Variants in PTPRT observed in about 807,000 individuals in gnomAD.
PTPRT encodes the protein protein tyrosine phosphatase receptor type T.
In PTPRT, 56 loss-of-function variants were observed where a neutral mutation model predicts 176.8. That is an observed-to-expected ratio of 0.32 (90% CI 0.26 to 0.40). The LOEUF (loss-of-function observed/expected upper bound fraction) is 0.40, where lower values mean the gene tolerates loss of function less well. Among genes scored for constraint, PTPRT ranks in the 10% least tolerant of loss-of-function variants. PTPRT has a pLI of 1.00. For missense variants in PTPRT, 1,540 were observed against 1,908.2 expected, an observed-to-expected ratio of 0.81 and a Z score of 3.60; for synonymous variants, 783 against 739.0, an observed-to-expected ratio of 1.06 and a Z score of -0.96.
chr20:43,106,449 G>A (rs557438001), intron 1 of PTPRT, among the ~76,000 whole-genome samples: 131 of 152,188 alleles, frequency 8.6e-4, no homozygotes, highest in African/African-American at 2.9e-3. Context: ...CCTGAGGTCA[G>A]GAGTTCGAAC....
chr20:43,085,959 C>G (rs563600087), intron 1 of PTPRT, among the ~76,000 whole-genome samples: 1 of 151,962 alleles, frequency 6.6e-6, no homozygotes, highest in East Asian at 1.9e-4. Flanking sequence ...TCTTCCCCAC[C>G]CCCCCACAAC....
chr20:42,168,139 A>G (rs1317980962), intron 16 of PTPRT, among the ~76,000 whole-genome samples: 1 of 150,486 alleles, frequency 6.6e-6, no homozygotes, highest in Admixed American at 6.7e-5. Flanking sequence ...CTTCATCCTC[A>G]TTGTCTACAC....
intron 11 of PTPRT, among the ~76,000 whole-genome samples, chr20:42,342,297 A>C (rs907074622): frequency 2.0e-5 from 3 of 152,188 alleles, no homozygotes; most frequent in African/African-American, 7.2e-5. Flanking sequence ...CTCTTCATAT[A>C]TCTGGCTTCT....
intron 1 of PTPRT, among the ~76,000 whole-genome samples, chr20:42,930,714 A>C (rs1434508371): frequency 6.6e-6 from 1 of 152,040 alleles, no homozygotes; most frequent in African/African-American, 2.4e-5. Context: ...TCGTAGCCTC[A>C]TATGATCCTC....
chr20:42,035,766 C>T, the PTPRT span, among the ~76,000 whole-genome samples: 8 of 152,138 alleles, frequency 5.3e-5, no homozygotes, highest in African/African-American at 9.7e-5. Flanking sequence ...TGATAGTGCT[C>T]GGGTAGACTG....
intron 18 of PTPRT, among the ~76,000 whole-genome samples, chr20:42,134,377 AG>A (rs1225308344): frequency 6.6e-6 from 1 of 152,176 alleles, no homozygotes; most frequent in African/African-American, 2.4e-5. Flanking sequence ...AGTCATGTGG[AG>A]GAGAAGCAAA....
intron 2 of PTPRT, among the ~76,000 whole-genome samples, chr20:42,837,089 C>A (rs1457979848): frequency 1.3e-5 from 2 of 152,172 alleles, no homozygotes; most frequent in Admixed American, 6.5e-5. Flanking sequence ...CTTCTTCCTG[C>A]CCATATTATA....
chr20:42,176,984 C>T (rs985361192), intron 16 of PTPRT, among the ~76,000 whole-genome samples: 2 of 152,184 alleles, frequency 1.3e-5, no homozygotes, highest in African/African-American at 4.8e-5. Context: ...GACATTAAGA[C>T]AATGGAAAGA....
chr20:42,986,545 A>T (rs1002897977), intron 1 of PTPRT, among the ~76,000 whole-genome samples: 1 of 152,176 alleles, frequency 6.6e-6, no homozygotes, highest in Non-Finnish European at 1.5e-5. Flanking sequence ...AGCTTTGTCT[A>T]GCCCTAAGGG....
chr20:42,724,802 T>TCA lies in PTPRT; in HGVS notation c.859+31659_859+31660insTG, dbSNP rs149221321. 2.1e-3 allele frequency among the ~76,000 whole-genome samples: 316 copies of TCA among 152,068 alleles called. No homozygotes were observed. In the East Asian group the frequency reaches 0.027, roughly 13 times the overall value. On this transcript the variant is annotated intron_variant, in intron 6 of 30. Coordinates refer to ENST00000373187, the MANE Select transcript of PTPRT (RefSeq NM_007050.6). Reference sequence around the variant, plus strand: ...TAGCATCTTCCAATCTCTTCTTCTTTCTCTCTCTCTCCATTGCCACCTCTC... The same window carrying TCA: ...TAGCATCTTCCAATCTCTTCTTCTTTCACTCTCTCTCTCCATTGCCACCTCTC...
At chr20:42,931,635 G>A (rs1979854050) in intron 1 of PTPRT, among the ~76,000 whole-genome samples, 1 of 152,318 alleles carries the variant, frequency 6.6e-6, no homozygotes, top group East Asian at 1.9e-4. Context: ...CAGGCTTCTA[G>A]GAGACAAGAG....
chr20:42,276,533 A>ATT (rs2057037469), intron 13 of PTPRT, among the ~76,000 whole-genome samples: 1 of 44,922 alleles, frequency 2.2e-5, no homozygotes, highest in East Asian at 1.2e-3. Flanking sequence ...ATATATATAT[A>ATT]TATATATATA....
intron 2 of PTPRT, among the ~76,000 whole-genome samples, chr20:42,881,724 CAAAA>C (rs112191705): frequency 2.2e-3 from 79 of 36,712 alleles, no homozygotes; most frequent in Middle Eastern, 0.017. Context: ...CACTCTGTCT[CAAAA>C]AAAAAAAAAA....
At chr20:42,198,053 T>C (rs1353288417) in intron 16 of PTPRT, among the ~76,000 whole-genome samples, 3 of 152,148 alleles carry the variant, frequency 2.0e-5, no homozygotes, top group African/African-American at 7.2e-5. Context: ...ATTCAGGAGA[T>C]AAGGTGTGGG....
chr20:42,879,011 C>T (rs1170758286), intron 2 of PTPRT, among the ~76,000 whole-genome samples: 4 of 151,906 alleles, frequency 2.6e-5, no homozygotes, highest in East Asian at 1.9e-4. Flanking sequence ...CCCTGGCGAC[C>T]GAGCGAGACT....
intron 13 of PTPRT, among the ~76,000 whole-genome samples, chr20:42,276,650 T>C (rs1011030690): frequency 6.7e-6 from 1 of 149,028 alleles, no homozygotes; most frequent in Admixed American, 6.7e-5. Flanking sequence ...TTGTCCAAGG[T>C]CTAACAGCTA....
intron 1 of PTPRT, among the ~76,000 whole-genome samples, chr20:43,112,011 T>A (rs796644876): frequency 2.0e-5 from 3 of 152,260 alleles, no homozygotes; most frequent in African/African-American, 4.8e-5. Context: ...TCTTCTCACC[T>A]CCCGCCCACT....
chr20:42,618,838 G>A (rs2074132323), intron 7 of PTPRT, among the ~76,000 whole-genome samples: 1 of 141,412 alleles, frequency 7.1e-6, no homozygotes, highest in African/African-American at 2.8e-5. Context: ...GTGTGTCTCT[G>A]CACGTGAGAT....
intron 1 of PTPRT, among the ~76,000 whole-genome samples, chr20:42,984,604 T>C (rs4812666): frequency 0.22 from 34,098 of 152,214 alleles, 3,926 homozygotes; most frequent in East Asian, 0.28. Flanking sequence ...GCAAATTTTC[T>C]TGAGCACCTA....
Sources: allele counts gnomAD v4.1 joint callset (sites outside exome capture counted in the v4.1 genomes callset), GRCh38; gene constraint gnomAD v4.1.1; transcripts MANE v1.5; gene names NCBI Gene and HGNC (gene_info 2026-07-23, HGNC 2026-07-21).